COX7B2: variants seen among roughly 807,000 people sequenced by gnomAD.
The protein encoded by COX7B2 is cytochrome c oxidase subunit 7B2, also known as cytochrome c oxidase subunit 7B2, mitochondrial.
For synonymous variants in COX7B2, 37 were observed against 32.1 expected (o/e 1.15, Z -0.51); for missense variants, 109 against 95.9 (o/e 1.14, Z -0.57).
intron 2 of COX7B2, among the ~76,000 whole-genome samples, chr4:46,802,880 G>C (rs1259479523): frequency 1.3e-5 from 2 of 152,126 alleles, no homozygotes; most frequent in Admixed American, 6.6e-5. Context: ...ATAAAACTGT[G>C]AAGAGATTGT....
At chr4:46,892,548 G>A (rs568428620) in intron 1 of COX7B2, among the ~76,000 whole-genome samples, 5 of 152,194 alleles carry the variant, frequency 3.3e-5, no homozygotes, top group Admixed American at 6.5e-5. Context: ...GCACCTTGGG[G>A]TACTTGACAA....
intron 2 of COX7B2, among the ~76,000 whole-genome samples, chr4:46,750,505 A>G (rs1300235644): frequency 1.3e-5 from 2 of 148,166 alleles, no homozygotes; most frequent in African/African-American, 4.9e-5. Context: ...TATAACTATT[A>G]AAGAGTCCAG....
At chr4:46,854,159 A>G (rs1309229090) in intron 1 of COX7B2, among the ~76,000 whole-genome samples, 1 of 152,166 alleles carries the variant, frequency 6.6e-6, no homozygotes, top group African/African-American at 2.4e-5. Flanking sequence ...TAACATATGC[A>G]TCAATATGTA....
In COX7B2 at chr4:46,835,494, G is replaced by A. The variant is rs186961858; in HGVS notation, c.-50+9466C>T. Among the ~76,000 whole-genome samples, 12 of 152,194 alleles carry A rather than the reference G, an allele frequency of 7.9e-5. 1 individual carries two copies. In the East Asian group the frequency reaches 2.3e-3, roughly 29 times the overall value. The stretch of plus-strand genomic sequence containing the variant: ...AGACTGTTCGAGAATCATGGTGGAA[G>A]AAGAGTCTGACGGCTACATTTTGGG... On this transcript the variant is annotated intron_variant, in intron 2 of 2. Coordinates refer to ENST00000355591, the MANE Select transcript of COX7B2 (RefSeq NM_130902.3).
chr4:46,862,003 A>AC (rs1251413384), intron 1 of COX7B2, among the ~76,000 whole-genome samples: 2 of 151,994 alleles, frequency 1.3e-5, no homozygotes, highest in Admixed American at 1.3e-4. Flanking sequence ...GAGGTCCCAG[A>AC]CCCCTGACTT....
At chr4:46,883,776 T>TA (rs112798647) in intron 1 of COX7B2, among the ~76,000 whole-genome samples, 17,794 of 144,904 alleles carry the variant, frequency 0.12, 1,504 homozygotes, top group East Asian at 0.31. Flanking sequence ...AATAAACCTT[T>TA]AAAAAAAAAA....
chr4:46,755,246 G>A (rs893771843), intron 2 of COX7B2, among the ~76,000 whole-genome samples: 2 of 151,922 alleles, frequency 1.3e-5, no homozygotes, highest in Non-Finnish European at 2.9e-5. Flanking sequence ...ATCGCTTCAT[G>A]ATAAAAATCC....
In COX7B2 at chr4:46,825,558, A is replaced by G. The variant is rs139371081; in HGVS notation, c.-50+19402T>C. Among the ~76,000 whole-genome samples the G allele has an allele frequency of 1.2e-3, 184 of 152,322 alleles. 1 individual carries two copies. Among genetic ancestry groups the G allele is most frequent in the Middle Eastern group, 6.8e-3 (2 of 294 alleles). ...ATTATAATTCACATGGAACCAAAAAAGAGCTCCCATAGCCAAGACAATCCT... is the reference window on the plus strand; with the variant it reads ...ATTATAATTCACATGGAACCAAAAAGGAGCTCCCATAGCCAAGACAATCCT... On this transcript the variant is annotated intron_variant, in intron 2 of 2. Coordinates refer to ENST00000355591, the MANE Select transcript of COX7B2 (RefSeq NM_130902.3).
intron 1 of COX7B2, among the ~76,000 whole-genome samples, chr4:46,882,272 G>GGA (rs1170353033): frequency 6.6e-6 from 1 of 152,140 alleles, no homozygotes; most frequent in Non-Finnish European, 1.5e-5. Context: ...GTATTCTGTT[G>GGA]TTTTTTGGTA....
At chr4:46,897,671 C>A (rs997025655) in intron 1 of COX7B2, among the ~76,000 whole-genome samples, 12 of 152,146 alleles carry the variant, frequency 7.9e-5, no homozygotes, top group African/African-American at 2.9e-4. Context: ...ATCCCTCCTT[C>A]CTCTCCACTG....
chr4:46,737,224 A>G (rs1714422480), intron 2 of COX7B2, among the ~76,000 whole-genome samples: 1 of 152,118 alleles, frequency 6.6e-6, no homozygotes, highest in African/African-American at 2.4e-5. Context: ...CTTGTTTGCC[A>G]TCTTCATCTC....
At chr4:46,760,283 A>T (rs981251811) in intron 2 of COX7B2, among the ~76,000 whole-genome samples, 8 of 152,274 alleles carry the variant, frequency 5.3e-5, no homozygotes, top group South Asian at 2.1e-4. Flanking sequence ...CCCTTTTCAC[A>T]ATAGCAAAGA....
At chr4:46,738,641 A>C (rs1244140085) in intron 2 of COX7B2, among the ~76,000 whole-genome samples, 1 of 152,100 alleles carries the variant, frequency 6.6e-6, no homozygotes, top group African/African-American at 2.4e-5. Flanking sequence ...TTGTGTTATC[A>C]GTAAGTCCTA....
chr4:46,835,010 A>C (rs1052824392), intron 2 of COX7B2, among the ~76,000 whole-genome samples: 4 of 152,204 alleles, frequency 2.6e-5, no homozygotes, highest in African/African-American at 9.6e-5. Context: ...AAATATGAGT[A>C]ATTCTTAAAC....
At chr4:46,827,651 C>A (rs1714786576) in intron 2 of COX7B2, among the ~76,000 whole-genome samples, 2 of 151,790 alleles carry the variant, frequency 1.3e-5, no homozygotes, top group Non-Finnish European at 2.9e-5. Flanking sequence ...AAATGCTAAA[C>A]GAAGTTGAAA....
chr4:46,859,819 T>C (rs768053275), intron 1 of COX7B2, among the ~76,000 whole-genome samples: 2 of 152,132 alleles, frequency 1.3e-5, no homozygotes, highest in African/African-American at 2.4e-5. Context: ...TTCTAGAGAT[T>C]TCTGAATAAC....
At chr4:46,760,942 TTGTATA>T (rs2109472129) in intron 2 of COX7B2, among the ~76,000 whole-genome samples, 1 of 152,318 alleles carries the variant, frequency 6.6e-6, no homozygotes, top group Non-Finnish European at 1.5e-5. Flanking sequence ...ACATTGGTGA[TTGTATA>T]TGGCAACAAA....
intron 2 of COX7B2, among the ~76,000 whole-genome samples, chr4:46,777,233 G>A (rs1222027122): frequency 6.6e-6 from 1 of 152,060 alleles, no homozygotes; most frequent in Non-Finnish European, 1.5e-5. Flanking sequence ...GAGATAAAAG[G>A]GGAGTAAAGG....
chr4:46,864,675 C>A (rs1224186952), intron 1 of COX7B2, among the ~76,000 whole-genome samples: 4 of 114,158 alleles, frequency 3.5e-5, no homozygotes, highest in African/African-American at 1.2e-4. Flanking sequence ...TTTGTTTAGA[C>A]GGAGTCTCGC....
Sources: allele counts gnomAD v4.1 joint callset (sites outside exome capture counted in the v4.1 genomes callset), GRCh38; gene constraint gnomAD v4.1.1; transcripts MANE v1.5; gene names NCBI Gene and HGNC (gene_info 2026-07-23, HGNC 2026-07-21).